The following MACROD2 variants were observed in gnomAD, a reference collection of about 807,000 sequenced individuals.
MACROD2 encodes the protein ADP-ribose glycohydrolase MACROD2.
In MACROD2, 36 loss-of-function variants were observed where a neutral mutation model predicts 70.4. The observed-to-expected ratio is 0.51, with a 90% CI of 0.39 to 0.68. The LOEUF (loss-of-function observed/expected upper bound fraction) is 0.68. Ranked by LOEUF, MACROD2 falls within the 30% of genes least tolerant of loss-of-function variation. The pLI, the probability that MACROD2 is intolerant of heterozygous loss-of-function variation, is 0.00. For missense variants in MACROD2, 496 were observed against 538.4 expected, an observed-to-expected ratio of 0.92 and a Z score of 0.78; for synonymous variants, 172 against 178.8, an observed-to-expected ratio of 0.96 and a Z score of 0.30.
chr20:14,675,278 G>A (rs1600526124), intron 4 of MACROD2, among the ~76,000 whole-genome samples: 1 of 152,226 alleles, frequency 6.6e-6, no homozygotes. Flanking sequence ...TGAAATGAAG[G>A]AAAAAATATT....
chr20:15,673,121 A>G (rs1281256201), intron 8 of MACROD2, among the ~76,000 whole-genome samples: 1 of 152,196 alleles, frequency 6.6e-6, no homozygotes, highest in African/African-American at 2.4e-5. Context: ...AAACAGACTA[A>G]TAGAGCCACC....
chr20:14,180,307 AGT>A (rs902256112), intron 3 of MACROD2, among the ~76,000 whole-genome samples: 2 of 152,044 alleles, frequency 1.3e-5, no homozygotes, highest in Admixed American at 6.5e-5. Context: ...TAATGCAGAG[AGT>A]GTGTTTTAGA....
intron 8 of MACROD2, among the ~76,000 whole-genome samples, chr20:15,787,417 G>A (rs2051948390): frequency 6.6e-6 from 1 of 152,146 alleles, no homozygotes; most frequent in Non-Finnish European, 1.5e-5. Flanking sequence ...CACTCAAATA[G>A]TGAACATAGT....
At chr20:14,206,527 T>TA (rs2081524722) in intron 3 of MACROD2, among the ~76,000 whole-genome samples, 4 of 152,252 alleles carry the variant, frequency 2.6e-5, no homozygotes, top group African/African-American at 9.6e-5. Context: ...TTTGCCATCT[T>TA]ACCTATGATC....
chr20:15,237,896 A>G (rs1009245568), intron 6 of MACROD2, among the ~76,000 whole-genome samples: 1 of 152,222 alleles, frequency 6.6e-6, no homozygotes, highest in Non-Finnish European at 1.5e-5. Flanking sequence ...GGCAGAAGGA[A>G]AAAGCTCAGG....
chr20:16,001,853 A>G (rs1330135855), intron 15 of MACROD2, among the ~76,000 whole-genome samples: 1 of 152,062 alleles, frequency 6.6e-6, no homozygotes, highest in African/African-American at 2.4e-5. Flanking sequence ...TATAATTTCA[A>G]TGTAAGGGAG....
At chr20:14,516,777 T>G (rs1170376592) in intron 4 of MACROD2, among the ~76,000 whole-genome samples, 1 of 152,112 alleles carries the variant, frequency 6.6e-6, no homozygotes, top group Non-Finnish European at 1.5e-5. Flanking sequence ...GGAGAAAATT[T>G]TTGAAATCTA....
At chr20:15,444,168 A>G (rs148383015) in intron 7 of MACROD2, among the ~76,000 whole-genome samples, 4 of 152,310 alleles carry the variant, frequency 2.6e-5, no homozygotes, top group South Asian at 2.1e-4. Context: ...ATCATAAACT[A>G]TGTGATCTTT....
At chr20:15,776,341 C>T (rs556967440) in intron 8 of MACROD2, among the ~76,000 whole-genome samples, 16 of 152,216 alleles carry the variant, frequency 1.1e-4, no homozygotes, top group Admixed American at 9.8e-4. Flanking sequence ...CAAGCAGGAC[C>T]CTGTCCTCTC....
chr20:15,739,248 A>T (rs910370221), intron 8 of MACROD2, among the ~76,000 whole-genome samples: 2 of 152,198 alleles, frequency 1.3e-5, no homozygotes, highest in Admixed American at 1.3e-4. Flanking sequence ...CGTTTTGATG[A>T]TGTTGAGTCA....
At chr20:15,528,560 C>A (rs1299971744) in intron 8 of MACROD2, among the ~76,000 whole-genome samples, 7 of 152,196 alleles carry the variant, frequency 4.6e-5, no homozygotes, top group African/African-American at 1.7e-4. Flanking sequence ...AGCACAGAAT[C>A]CTTGGGAGCC....
intron 8 of MACROD2, among the ~76,000 whole-genome samples, chr20:15,574,469 T>G (rs1027722941): frequency 6.6e-6 from 1 of 152,148 alleles, no homozygotes. Context: ...TTTCTTAATA[T>G]TTATATGAAG....
intron 5 of MACROD2, among the ~76,000 whole-genome samples, chr20:15,207,507 A>T (rs1449906605): frequency 1.5e-5 from 2 of 131,304 alleles, no homozygotes; most frequent in Admixed American, 8.8e-5. Flanking sequence ...CAGTGGCATG[A>T]TCTCAGCTTA....
chr20:14,444,387 T>G (rs771365985), intron 3 of MACROD2, among the ~76,000 whole-genome samples: 6 of 152,054 alleles, frequency 3.9e-5, no homozygotes, highest in Non-Finnish European at 8.8e-5. Flanking sequence ...AACATATCCT[T>G]CACTTGGCTG....
At chr20:14,459,156 C>T (rs1294805197) in intron 3 of MACROD2, among the ~76,000 whole-genome samples, 5 of 150,008 alleles carry the variant, frequency 3.3e-5, no homozygotes, top group Non-Finnish European at 7.4e-5. Flanking sequence ...ATAAAATTTT[C>T]CATTTCCTTT....
At chr20:15,233,795 C>T (rs1278751493) in intron 6 of MACROD2, among the ~76,000 whole-genome samples, 3 of 150,680 alleles carry the variant, frequency 2.0e-5, no homozygotes, top group Non-Finnish European at 3.0e-5. Context: ...TCCTGATTCT[C>T]CTTCTAATCT....
chr20:15,174,950 T>C (rs1220277032), intron 5 of MACROD2, among the ~76,000 whole-genome samples: 4 of 152,082 alleles, frequency 2.6e-5, no homozygotes, highest in Admixed American at 6.6e-5. Flanking sequence ...TCCCATTTTG[T>C]AGGTTGCCTG....
chr20:14,980,123 C>T (rs562334249), intron 5 of MACROD2, among the ~76,000 whole-genome samples: 1 of 152,180 alleles, frequency 6.6e-6, no homozygotes, highest in South Asian at 2.1e-4. Context: ...ATTTGTCCTC[C>T]TAAAAACTTA....
At position 14,698,148 on chromosome 20, in the gene MACROD2, A is replaced by G. The variant is rs576449056; in HGVS notation, c.418+13189A>G. Among the ~76,000 whole-genome samples, 5 of 152,242 alleles carry G rather than the reference A, an allele frequency of 3.3e-5. No individual in the cohort carries two copies. The South Asian group carries it at 1.0e-3, about 32-fold the overall frequency. On this transcript the variant is annotated intron_variant, in intron 5 of 17. Transcript: ENST00000684519. Reference sequence around the variant, plus strand: ...CAAGGTCTTCTTGCACAGATACTTAAGTGATGGAATGGGGATTTTACTTGG... The same window carrying G: ...CAAGGTCTTCTTGCACAGATACTTAGGTGATGGAATGGGGATTTTACTTGG...
Sources: gnomAD v4.1 joint callset for allele counts (sites outside exome capture counted in the v4.1 genomes callset) on GRCh38, gnomAD v4.1.1 for gene constraint, MANE v1.5 for transcripts, NCBI Gene and HGNC (gene_info 2026-07-23, HGNC 2026-07-21) for gene names.